FRMPD4: variants seen among roughly 807,000 people sequenced by gnomAD.
FRMPD4 encodes FERM and PDZ domain-containing protein 4.
Under a neutral mutation model 94.1 loss-of-function variants are expected in FRMPD4, and 22 were observed. That is an observed-to-expected ratio of 0.23 (90% CI 0.17 to 0.33). The LOEUF is 0.33. Ranked by LOEUF, FRMPD4 falls within the 10% of genes least tolerant of loss-of-function variation. FRMPD4 has a pLI of 1.00. For missense variants in FRMPD4, 1,111 were observed against 1,339.9 expected (o/e 0.83, Z 2.67); for synonymous variants, 631 against 548.6 (o/e 1.15, Z -2.10).
At chrX:12,610,762 A>AAAAAGG (rs2059175361) in intron 3 of FRMPD4, among the ~76,000 whole-genome samples, 1 of 109,335 alleles carries the variant, frequency 9.1e-6, no homozygotes. Flanking sequence ...AAAAAAAAAA[A>AAAAAGG]GAGTTTTCCC....
At chrX:11,902,550 A>G (rs961613517) in intron 3 of FRMPD4, among the ~76,000 whole-genome samples, 5 of 111,400 alleles carry the variant, frequency 4.5e-5, no homozygotes, top group Admixed American at 2.9e-4. Context: ...CTATTAATAA[A>G]CCTAATTACT....
intron 1 of FRMPD4, among the ~76,000 whole-genome samples, chrX:11,836,299 A>G (rs780336796): frequency 1.8e-5 from 2 of 111,935 alleles, no homozygotes; most frequent in African/African-American, 6.5e-5. Flanking sequence ...CATTTTTGTT[A>G]GCTTCAAAGT....
At chrX:12,183,701 C>T (rs1264177529) in intron 1 of FRMPD4, among the ~76,000 whole-genome samples, 2 of 111,018 alleles carry the variant, frequency 1.8e-5, no homozygotes, top group Non-Finnish European at 3.8e-5. Flanking sequence ...GCTTGATCTC[C>T]CTTGCTGTCT....
chrX:11,993,467 A>G (rs997215458), intron 3 of FRMPD4, among the ~76,000 whole-genome samples: 8 of 112,095 alleles, frequency 7.1e-5, no homozygotes, highest in African/African-American at 9.7e-5. Context: ...GACAGCCACA[A>G]ATGTCTCCAA....
chrX:12,165,390 T>C (rs1230486647), intron 1 of FRMPD4, among the ~76,000 whole-genome samples: 3 of 111,898 alleles, frequency 2.7e-5, no homozygotes, highest in East Asian at 5.6e-4. Flanking sequence ...GAGGGCTCTG[T>C]TCTGTTCTAT....
chrX:12,231,125 C>T (rs2057003083), intron 1 of FRMPD4, among the ~76,000 whole-genome samples: 1 of 86,483 alleles, frequency 1.2e-5, no homozygotes, highest in Admixed American at 1.5e-4. Context: ...TCACGGCTCA[C>T]TGCAGACTCG....
At chrX:12,459,952 CA>C (rs1201955205) in intron 1 of FRMPD4, among the ~76,000 whole-genome samples, 3 of 111,948 alleles carry the variant, frequency 2.7e-5, no homozygotes, top group African/African-American at 9.7e-5. Flanking sequence ...TTCTCACCAA[CA>C]GTTGATATTG....
chrX:12,606,663 C>T, intron 2 of FRMPD4, among the ~76,000 whole-genome samples: 1 of 111,407 alleles, frequency 9.0e-6, no homozygotes, highest in Non-Finnish European at 1.9e-5. Context: ...GCAAGCTTTA[C>T]CTTCCTCAAT....
intron 1 of FRMPD4, among the ~76,000 whole-genome samples, chrX:12,252,453 T>C (rs1181365562): frequency 8.9e-6 from 1 of 112,324 alleles, no homozygotes; most frequent in African/African-American, 3.2e-5. Context: ...CAACCATTCT[T>C]TGAATGCTAC....
At chrX:12,053,370 GAAAGAAAGA>G in intron 3 of FRMPD4, among the ~76,000 whole-genome samples, 1 of 52,834 alleles carries the variant, frequency 1.9e-5, no homozygotes, top group Non-Finnish European at 3.7e-5. Context: ...AAGAAAGAAA[GAAAGAAAGA>G]AAGAAAGAAA....
intron 1 of FRMPD4, among the ~76,000 whole-genome samples, chrX:12,432,106 C>T (rs1184287650): frequency 9.0e-6 from 1 of 111,690 alleles, no homozygotes; most frequent in African/African-American, 3.3e-5. Context: ...TTTGCACTTG[C>T]TATTCACCTT....
intron 1 of FRMPD4, among the ~76,000 whole-genome samples, chrX:12,310,264 G>A (rs1335898118): frequency 1.8e-5 from 2 of 110,691 alleles, no homozygotes; most frequent in Admixed American, 9.6e-5. Flanking sequence ...TTTGAGCCAG[G>A]ATGAGCCAGG....
intron 1 of FRMPD4, among the ~76,000 whole-genome samples, chrX:12,480,333 G>GAAAAAAAAAAAAAAA (rs35074731): frequency 1.6e-4 from 9 of 54,669 alleles, no homozygotes; most frequent in Admixed American, 2.6e-4. Context: ...GAAAAGAAAT[G>GAAAAAAAAAAAAAAA]AAAAAAAAAA....
At chrX:11,834,066 C>A (rs1233115722) in intron 1 of FRMPD4, among the ~76,000 whole-genome samples, 1 of 111,467 alleles carries the variant, frequency 9.0e-6, no homozygotes, top group Non-Finnish European at 1.9e-5. Flanking sequence ...CTCCACATAG[C>A]CTAGCCTTAT....
chrX:12,482,034 G>T (rs2057693217), intron 1 of FRMPD4, among the ~76,000 whole-genome samples: 1 of 103,237 alleles, frequency 9.7e-6, no homozygotes, highest in South Asian at 5.0e-4. Flanking sequence ...AAGTAGAAGT[G>T]AATCATCATA....
At chrX:11,987,243 G>T (rs768144733) in intron 3 of FRMPD4, among the ~76,000 whole-genome samples, 1 of 109,275 alleles carries the variant, frequency 9.2e-6, no homozygotes, top group Non-Finnish European at 1.9e-5. Context: ...GGGATATATT[G>T]TAGAGATTCA....
chrX:12,092,997 C>G (rs1193937208), intron 3 of FRMPD4, among the ~76,000 whole-genome samples: 1 of 111,135 alleles, frequency 9.0e-6, no homozygotes, highest in African/African-American at 3.3e-5. Context: ...ATCAAGATAT[C>G]TAGGGGGAAA....
chrX:12,544,906 G>C (rs139413250), intron 2 of FRMPD4, among the ~76,000 whole-genome samples: 235 of 111,073 alleles, frequency 2.1e-3, no homozygotes, highest in African/African-American at 7.0e-3. Context: ...CAAACCCCAC[G>C]TAAGTTAATC....
intron 2 of FRMPD4, among the ~76,000 whole-genome samples, chrX:12,503,400 C>T (rs1052879596): frequency 8.0e-5 from 9 of 111,881 alleles, no homozygotes; most frequent in African/African-American, 2.6e-4. Context: ...GCAATTCCCA[C>T]AGTGGGCAAT....
Sources: gnomAD v4.1 joint callset for allele counts (sites outside exome capture counted in the v4.1 genomes callset) on GRCh38, gnomAD v4.1.1 for gene constraint, MANE v1.5 for transcripts, NCBI Gene and HGNC (gene_info 2026-07-23, HGNC 2026-07-21) for gene names.